Variants in TNRC6A observed in about 807,000 individuals in gnomAD.
TNRC6A encodes the protein trinucleotide repeat-containing gene 6A protein.
A neutral mutation model predicts 221.2 loss-of-function variants in TNRC6A; 44 were observed. The observed-to-expected ratio is 0.20, with a 90% confidence interval of 0.16 to 0.26. TNRC6A has a LOEUF of 0.26. TNRC6A is among the 10% of genes least tolerant of loss of function. The pLI is 1.00. For synonymous variants in TNRC6A, 847 were observed against 838.5 expected (o/e 1.01, Z -0.18); for missense variants, 2,199 against 2,404.4 (o/e 0.91, Z 1.79).
rs563985361 is a variant in TNRC6A, at chr16:24,803,760, G to T, written c.3695-417G>T. 3.8e-4 allele frequency: 61 copies of T among 162,132 alleles called. 1 individual carries two copies. The highest frequency in any genetic ancestry group is 7.1e-4 in the Admixed American group (11 of 15,540). 10.0% of individuals were successfully genotyped at this position (162,132 alleles called of 1,614,324 possible). On this transcript the variant is annotated intron_variant, in intron 11 of 24. Coordinates refer to ENST00000395799, the MANE Select transcript of TNRC6A (RefSeq NM_014494.4). ...TACTAATAATACAAAAAATAGTCAG[G>T]TGTAGTGGTACACTCCTGTAATCCC...
chr16:24,788,951 A>G (rs1302803608), intron 5 of TNRC6A, among the ~76,000 whole-genome samples: 1 of 152,122 alleles, frequency 6.6e-6, no homozygotes, highest in East Asian at 1.9e-4. Context: ...CCCGGCCCAA[A>G]ATTCTTTTAT....
At chr16:24,652,702 G>A (rs886604028) in intron 2 of TNRC6A, among the ~76,000 whole-genome samples, 5 of 152,146 alleles carry the variant, frequency 3.3e-5, no homozygotes, top group African/African-American at 1.2e-4. Flanking sequence ...TATGAAAGAC[G>A]GAATAAGAGG....
chr16:24,723,890 T>A (rs2056452211), intron 2 of TNRC6A, among the ~76,000 whole-genome samples: 1 of 152,208 alleles, frequency 6.6e-6, no homozygotes, highest in Non-Finnish European at 1.5e-5. Context: ...GTGTGAGTAA[T>A]CAATTCATCA....
intron 19 of TNRC6A, chr16:24,815,582 G>C: frequency 2.5e-6 from 1 of 398,908 alleles, no homozygotes; most frequent in East Asian, 5.4e-5. Flanking sequence ...TAGGCTGGGC[G>C]CAGTGGCACA....
intron 18 of TNRC6A, 65 bp from the exon 19 acceptor site, chr16:24,815,082 A>ACACTTGCTATTC: frequency 6.4e-7 from 1 of 1,559,796 alleles, no homozygotes; most frequent in Non-Finnish European, 8.7e-7. Flanking sequence ...CTACATTTGA[A>ACACTTGCTATTC]AAGCTATAAG....
chr16:24,647,816 T>C (rs2141820028), intron 2 of TNRC6A, among the ~76,000 whole-genome samples: 1 of 152,282 alleles, frequency 6.6e-6, no homozygotes, highest in South Asian at 2.1e-4. Flanking sequence ...TTCACCATGT[T>C]GGCCAGGCTG....
intron 2 of TNRC6A, among the ~76,000 whole-genome samples, chr16:24,690,047 G>A (rs2142121181): frequency 6.9e-6 from 1 of 145,756 alleles, no homozygotes; most frequent in African/African-American, 2.5e-5. Flanking sequence ...TTTGAGATAG[G>A]GTCTCATTCT....
chr16:24,749,639 T>A (rs2057092107), intron 2 of TNRC6A, among the ~76,000 whole-genome samples: 1 of 152,182 alleles, frequency 6.6e-6, no homozygotes, highest in Non-Finnish European at 1.5e-5. Flanking sequence ...TGCTCTTATG[T>A]TTATTCTTGG....
intron 2 of TNRC6A, chr16:24,661,515 G>C (rs561976785): frequency 2.6e-5 from 4 of 152,778 alleles, no homozygotes; most frequent in African/African-American, 9.6e-5. Context: ...CCAGGTTCAA[G>C]CGATTCTTCT....
intron 4 of TNRC6A, among the ~76,000 whole-genome samples, chr16:24,766,163 T>C (rs1340429114): frequency 2.0e-5 from 3 of 152,192 alleles, no homozygotes; most frequent in Non-Finnish European, 2.9e-5. Flanking sequence ...AAATAATGTA[T>C]ACTAGAAGGA....
At chr16:24,692,811 T>C (rs1246101170) in intron 2 of TNRC6A, among the ~76,000 whole-genome samples, 1 of 152,006 alleles carries the variant, frequency 6.6e-6, no homozygotes, top group East Asian at 1.9e-4. Context: ...CAGTCAATTC[T>C]AGACATCTAA....
At chr16:24,664,658 A>AATTTATT (rs979992282) in intron 2 of TNRC6A, among the ~76,000 whole-genome samples, 2 of 135,686 alleles carry the variant, frequency 1.5e-5, no homozygotes, top group South Asian at 2.4e-4. Flanking sequence ...ATTAATAATA[A>AATTTATT]ATTTATTATT....
chr16:24,623,327 T>C (rs1450200466), intron 1 of TNRC6A, among the ~76,000 whole-genome samples: 1 of 151,966 alleles, frequency 6.6e-6, no homozygotes, highest in African/African-American at 2.4e-5. Flanking sequence ...GCCTGCCGAG[T>C]AGCTGGGACT....
chr16:24,803,800 C>T, intron 11 of TNRC6A: 1 of 181,698 alleles, frequency 5.5e-6, no homozygotes, highest in Non-Finnish European at 1.1e-5. Context: ...ACTCGAGAGG[C>T]TGAGGCATGA....
chr16:24,623,288 T>C (rs910570977), intron 1 of TNRC6A, among the ~76,000 whole-genome samples: 1 of 152,008 alleles, frequency 6.6e-6, no homozygotes, highest in Non-Finnish European at 1.5e-5. Flanking sequence ...AAGCTCCGCC[T>C]CCCGGGCTCA....
At chr16:24,617,510 T>C (rs1359189663) in intron 1 of TNRC6A, among the ~76,000 whole-genome samples, 1 of 152,202 alleles carries the variant, frequency 6.6e-6, no homozygotes, top group African/African-American at 2.4e-5. Context: ...TTGACTCAGA[T>C]CAAATATGAA....
chr16:24,654,417 C>T (rs1902840414), intron 2 of TNRC6A, among the ~76,000 whole-genome samples: 1 of 152,112 alleles, frequency 6.6e-6, no homozygotes, highest in South Asian at 2.1e-4. Context: ...ATAAGAATCA[C>T]CTGTAGACCA....
At chr16:24,690,766 A>C (rs2142126195) in intron 2 of TNRC6A, among the ~76,000 whole-genome samples, 1 of 152,130 alleles carries the variant, frequency 6.6e-6, no homozygotes, top group Middle Eastern at 3.4e-3. Flanking sequence ...AGTACTTAAT[A>C]TGACAACTAA....
At chr16:24,666,639 GAAAAAAAAAAAAA>G (rs1164353374) in intron 2 of TNRC6A, among the ~76,000 whole-genome samples, 35 of 31,504 alleles carry the variant, frequency 1.1e-3, no homozygotes, top group African/African-American at 1.8e-3. Flanking sequence ...CTGTCTTAGA[GAAAAAAAAAAAAA>G]AAAAAAAAAA....
Sources: gnomAD v4.1 joint callset for allele counts (sites outside exome capture counted in the v4.1 genomes callset) on GRCh38, gnomAD v4.1.1 for gene constraint, MANE v1.5 for transcripts, NCBI Gene and HGNC (gene_info 2026-07-23, HGNC 2026-07-21) for gene names.